The following NFIB variants were observed in gnomAD, a reference collection of about 807,000 sequenced individuals.
NFIB encodes the protein nuclear factor I B.
NFIB carries 11 observed loss-of-function variants against 61.5 expected under a neutral mutation model. The observed-to-expected ratio is 0.18, with a 90% CI of 0.11 to 0.30. The LOEUF (loss-of-function observed/expected upper bound fraction) is 0.30, where lower values mean the gene tolerates loss of function less well. Ranked by LOEUF, NFIB falls within the 10% of genes least tolerant of loss-of-function variation. NFIB has a pLI of 1.00. For missense variants in NFIB, 471 were observed against 608.9 expected (o/e 0.77, Z 2.38); for synonymous variants, 260 against 216.5 (o/e 1.20, Z -1.76).
intron 2 of NFIB, among the ~76,000 whole-genome samples, chr9:14,193,373 A>G (rs2048156328): frequency 6.6e-6 from 1 of 152,158 alleles, no homozygotes; most frequent in African/African-American, 2.4e-5. Flanking sequence ...ATTTACTTAT[A>G]TTTCATGCCA....
At chr9:14,166,398 T>G (rs1031573479) in intron 3 of NFIB, among the ~76,000 whole-genome samples, 6 of 152,206 alleles carry the variant, frequency 3.9e-5, no homozygotes, top group African/African-American at 1.4e-4. Flanking sequence ...AAACAATGTT[T>G]TTTCCATCAC....
chr9:14,444,752 A>G, the NFIB span, among the ~76,000 whole-genome samples: 5 of 152,232 alleles, frequency 3.3e-5, no homozygotes, highest in African/African-American at 1.2e-4. Flanking sequence ...ATATAAAAAC[A>G]TATGTACATC....
intron 1 of NFIB, among the ~76,000 whole-genome samples, chr9:14,355,242 G>A (rs539896845): frequency 1.3e-5 from 2 of 152,262 alleles, no homozygotes; most frequent in African/African-American, 4.8e-5. Context: ...AATCCAGTAT[G>A]ACTGGTGGAG....
chr9:14,112,423 C>T (rs1337056232), intron 10 of NFIB, among the ~76,000 whole-genome samples: 1 of 152,030 alleles, frequency 6.6e-6, no homozygotes, highest in Non-Finnish European at 1.5e-5. Context: ...ATTTAAAATG[C>T]TACTAGAAAC....
chr9:14,452,790 A>C, the NFIB span, among the ~76,000 whole-genome samples: 1 of 152,198 alleles, frequency 6.6e-6, no homozygotes, highest in African/African-American at 2.4e-5. Flanking sequence ...TGTGAAGATC[A>C]CTGTGCCCTG....
chr9:14,499,778 G>A, the NFIB span, among the ~76,000 whole-genome samples: 1 of 152,012 alleles, frequency 6.6e-6, no homozygotes, highest in Non-Finnish European at 1.5e-5. Context: ...CCAACCCAGG[G>A]GACTCTGCCA....
the NFIB span, among the ~76,000 whole-genome samples, chr9:14,449,916 C>G: frequency 3.4e-4 from 52 of 151,932 alleles, no homozygotes; most frequent in Admixed American, 3.0e-3. Flanking sequence ...GCCTGGGCAG[C>G]AGAGCAAGAC....
In NFIB at chr9:14,204,308, A is replaced by C. The variant is rs923363405; in HGVS notation, c.563-24528T>G. ...GGCTCCGGCCCCTGCTGTCTTGAAGAAGCAGGAGGCCAAGAAAGTGGTCAA... is the reference window on the plus strand; with the variant it reads ...GGCTCCGGCCCCTGCTGTCTTGAAGCAGCAGGAGGCCAAGAAAGTGGTCAA... On this transcript the variant is annotated intron_variant, in intron 2 of 10. Coordinates refer to ENST00000380953, the MANE Select transcript of NFIB (RefSeq NM_001190737.2). The C allele has an allele frequency of 7.0e-6, 5 of 712,438 alleles. No homozygotes were observed. In the African/African-American group the frequency reaches 8.8e-5, roughly 13 times the overall value. 44.1% of individuals were successfully genotyped at this position (712,438 alleles called of 1,614,324 possible).
the NFIB span, among the ~76,000 whole-genome samples, chr9:14,506,688 C>A: frequency 1.3e-5 from 2 of 152,002 alleles, no homozygotes; most frequent in Non-Finnish European, 2.9e-5. Context: ...CATTTTCCAT[C>A]CTTACTGTAC....
chr9:14,506,033 TAGAA>T, the NFIB span, among the ~76,000 whole-genome samples: 1 of 151,982 alleles, frequency 6.6e-6, no homozygotes, highest in Admixed American at 6.6e-5. Context: ...TGCAGCCAAA[TAGAA>T]AGAAAAAGTC....
At chr9:14,137,304 C>T (rs114910258) in intron 6 of NFIB, among the ~76,000 whole-genome samples, 1 of 152,188 alleles carries the variant, frequency 6.6e-6, no homozygotes, top group African/African-American at 2.4e-5. Flanking sequence ...TTTGTGAGAA[C>T]TGCGCATTCC....
intron 2 of NFIB, among the ~76,000 whole-genome samples, chr9:14,202,296 T>C (rs1009359082): frequency 2.0e-5 from 3 of 152,210 alleles, no homozygotes; most frequent in Admixed American, 2.0e-4. Context: ...GGTGGTATGA[T>C]GGCACAACAG....
At chr9:14,486,803 G>A in the NFIB span, among the ~76,000 whole-genome samples, 1 of 151,770 alleles carries the variant, frequency 6.6e-6, no homozygotes, top group East Asian at 1.9e-4. Flanking sequence ...CTGGATGGTG[G>A]GACAATAGGA....
chr9:14,426,049 C>T, the NFIB span, among the ~76,000 whole-genome samples: 1 of 152,142 alleles, frequency 6.6e-6, no homozygotes, highest in Admixed American at 6.5e-5. Flanking sequence ...TCTTTTTACT[C>T]TGCCTTTTTT....
At chr9:14,431,630 T>G in the NFIB span, among the ~76,000 whole-genome samples, 3 of 137,258 alleles carry the variant, frequency 2.2e-5, no homozygotes, top group Admixed American at 2.1e-4. Flanking sequence ...CATTTTTTGT[T>G]TTGTTTTTTT....
Position 14,313,672 on chromosome 9 carries a change from C to A in NFIB, c.-161G>T. On this transcript the variant is annotated 5_prime_UTR_variant, in exon 1 of 11. Transcript: ENST00000380953. This position sits in a 1 kb window ranked among gnomAD's most constrained non-coding sequence, Gnocchi z 4.5. ...GCAACTTCACAACAAACCCAGTCCT[C>A]CTTAAATAGCCAAAGATTCAAGTTC... 6.9e-7 allele frequency: 1 copy of A among 1,454,952 alleles called. No individual in the cohort carries two copies. The highest frequency in any genetic ancestry group is 9.1e-7 in the Non-Finnish European group (1 of 1,103,588). The allele number at this position is 1,454,952 out of a possible 1,614,324, so 90.1% of individuals were successfully genotyped here.
intron 2 of NFIB, among the ~76,000 whole-genome samples, chr9:14,219,105 C>G (rs75744525): frequency 1.3e-5 from 2 of 152,106 alleles, no homozygotes; most frequent in African/African-American, 4.8e-5. Flanking sequence ...GGTAGAAACT[C>G]TGATGGCTTT....
intron 2 of NFIB, among the ~76,000 whole-genome samples, chr9:14,252,377 A>G (rs182657663): frequency 3.9e-5 from 6 of 152,328 alleles, no homozygotes; most frequent in Admixed American, 1.3e-4. Context: ...AATCTTTAAA[A>G]TATGACATTT....
At chr9:14,477,042 C>T in the NFIB span, among the ~76,000 whole-genome samples, 2 of 152,118 alleles carry the variant, frequency 1.3e-5, no homozygotes, top group East Asian at 1.9e-4. Context: ...TCTAGGAATA[C>T]TTGTAATTGT....
Sources: allele counts gnomAD v4.1 joint callset (sites outside exome capture counted in the v4.1 genomes callset), GRCh38; gene constraint gnomAD v4.1.1; non-coding constraint Gnocchi (gnomAD v3.1); transcripts MANE v1.5; gene names NCBI Gene and HGNC (gene_info 2026-07-23, HGNC 2026-07-21).